GALNTL6: variants seen among roughly 807,000 people sequenced by gnomAD.
The protein encoded by GALNTL6 is polypeptide N-acetylgalactosaminyltransferase-like 6.
GALNTL6 carries 46 observed loss-of-function variants against 73.7 expected under a neutral mutation model. The observed-to-expected ratio is 0.62, with a 90% CI of 0.49 to 0.80. The LOEUF is 0.80. Ranked by LOEUF, GALNTL6 falls within the 30% of genes least tolerant of loss-of-function variation. The probability of loss-of-function intolerance (pLI) is 0.00; values close to 1 mark genes in which losing one functional copy is unlikely to be tolerated. For missense variants in GALNTL6, 604 were observed against 755.0 expected (o/e 0.80, Z 2.34); for synonymous variants, 259 against 263.7 (o/e 0.98, Z 0.17).
chr4:172,469,743 G>A lies in GALNTL6; in HGVS notation c.553+121054G>A, dbSNP rs73869528. 5.2e-3 allele frequency among the ~76,000 whole-genome samples: 793 copies of A among 152,276 alleles called. 10 individuals are homozygous for A. Among genetic ancestry groups the A allele is most frequent in the African/African-American group, 0.018 (759 of 41,562 alleles). On this transcript the variant is annotated intron_variant, in intron 5 of 12. Transcript: ENST00000506823. The stretch of plus-strand genomic sequence containing the variant: ...TTAAAGGACACACTGAATATTATTG[G>A]TGGATCTATAATGTTTGCTTAAATT...
chr4:172,184,057 T>C (rs1373452069), intron 2 of GALNTL6, among the ~76,000 whole-genome samples: 1 of 152,036 alleles, frequency 6.6e-6, no homozygotes, highest in Non-Finnish European at 1.5e-5. Context: ...TCCCAAAGTG[T>C]GGGATTACAG....
chr4:172,238,429 CTAA>C, intron 3 of GALNTL6, among the ~76,000 whole-genome samples: 1 of 152,224 alleles, frequency 6.6e-6, no homozygotes, highest in Non-Finnish European at 1.5e-5. Flanking sequence ...AGAAATGCTA[CTAA>C]TGTTTCTACA....
intron 2 of GALNTL6, among the ~76,000 whole-genome samples, chr4:171,884,885 A>C (rs978207742): frequency 2.0e-5 from 3 of 151,846 alleles, no homozygotes; most frequent in African/African-American, 7.3e-5. Context: ...GTGAAACTCT[A>C]TCTCTACTAA....
chr4:172,478,694 A>G (rs1361577987), intron 5 of GALNTL6, among the ~76,000 whole-genome samples: 1 of 152,358 alleles, frequency 6.6e-6, no homozygotes, highest in African/African-American at 2.4e-5. Context: ...CAGCAAAATA[A>G]ATAATCAACA....
intron 10 of GALNTL6, among the ~76,000 whole-genome samples, chr4:172,991,490 C>T (rs1751542852): frequency 6.6e-6 from 1 of 151,970 alleles, no homozygotes; most frequent in Non-Finnish European, 1.5e-5. Flanking sequence ...TTCTCTGCCT[C>T]CCAGGTTCAA....
At chr4:172,657,351 G>C (rs914863071) in intron 5 of GALNTL6, among the ~76,000 whole-genome samples, 1 of 152,168 alleles carries the variant, frequency 6.6e-6, no homozygotes, top group African/African-American at 2.4e-5. Flanking sequence ...CCGCAGAACA[G>C]CAGTTACGCA....
Position 172,390,927 on chromosome 4 carries a change from T to G in GALNTL6, c.553+42238T>G, listed in dbSNP as rs1189556231. ...TTCCTAAACAAGTCATACAGTGAGT[T>G]AAGGCACTCTTATGAAAAAAAATAG... On this transcript the variant is annotated intron_variant, in intron 5 of 12. Transcript: ENST00000506823. Among the ~76,000 whole-genome samples, 4 of 152,276 alleles carry G rather than the reference T, an allele frequency of 2.6e-5. No individual in the cohort carries two copies. The East Asian group carries it at 7.7e-4, about 29-fold the overall frequency.
chr4:172,764,472 A>G (rs1283272345), intron 5 of GALNTL6, among the ~76,000 whole-genome samples: 3 of 151,964 alleles, frequency 2.0e-5, no homozygotes, highest in Non-Finnish European at 4.4e-5. Flanking sequence ...TTGTACAGTT[A>G]TTTTTATAAT....
At chr4:172,597,845 GA>G (rs1236667482) in intron 5 of GALNTL6, among the ~76,000 whole-genome samples, 1 of 151,832 alleles carries the variant, frequency 6.6e-6, no homozygotes, top group African/African-American at 2.4e-5. Context: ...ATTGTTCTAA[GA>G]GTCCTTCCTC....
intron 2 of GALNTL6, among the ~76,000 whole-genome samples, chr4:171,848,334 G>A (rs1735429385): frequency 6.6e-6 from 1 of 152,164 alleles, no homozygotes; most frequent in South Asian, 2.1e-4. Flanking sequence ...ATAGGGCACA[G>A]TCAGAGTAGA....
intron 2 of GALNTL6, among the ~76,000 whole-genome samples, chr4:172,141,859 G>C (rs1260427454): frequency 6.8e-6 from 1 of 147,880 alleles, no homozygotes; most frequent in Non-Finnish European, 1.5e-5. Context: ...TGACTGATAG[G>C]ACTAATGACA....
intron 5 of GALNTL6, among the ~76,000 whole-genome samples, chr4:172,572,452 G>A (rs1736796496): frequency 6.6e-6 from 1 of 152,080 alleles, no homozygotes; most frequent in African/African-American, 2.4e-5. Flanking sequence ...ACAACAAGTA[G>A]GTTAATATAT....
chr4:172,033,319 T>C (rs1741825678), intron 2 of GALNTL6, among the ~76,000 whole-genome samples: 1 of 152,054 alleles, frequency 6.6e-6, no homozygotes, highest in Non-Finnish European at 1.5e-5. Flanking sequence ...TCTATAAATA[T>C]AAATATCGTA....
chr4:172,213,265 T>C (rs1736391710), intron 2 of GALNTL6, among the ~76,000 whole-genome samples: 1 of 152,202 alleles, frequency 6.6e-6, no homozygotes. Context: ...CTGAGTTTTT[T>C]TGTGGACATA....
At chr4:172,739,262 T>A (rs1208607116) in intron 5 of GALNTL6, among the ~76,000 whole-genome samples, 1 of 152,212 alleles carries the variant, frequency 6.6e-6, no homozygotes, top group Non-Finnish European at 1.5e-5. Flanking sequence ...GGATGACTAT[T>A]TTTCTTTGCC....
At chr4:171,898,199 T>C (rs988413997) in intron 2 of GALNTL6, among the ~76,000 whole-genome samples, 1 of 151,992 alleles carries the variant, frequency 6.6e-6, no homozygotes, top group Non-Finnish European at 1.5e-5. Flanking sequence ...TTATTAAAAA[T>C]AAAAAGACTT....
chr4:172,330,547 C>T (rs974919293), intron 4 of GALNTL6, among the ~76,000 whole-genome samples: 11 of 152,210 alleles, frequency 7.2e-5, no homozygotes, highest in African/African-American at 2.2e-4. Flanking sequence ...CTTGTGCCCT[C>T]TTTTTCTCTC....
At chr4:172,700,925 A>T (rs1484964211) in intron 5 of GALNTL6, among the ~76,000 whole-genome samples, 2 of 152,050 alleles carry the variant, frequency 1.3e-5, no homozygotes, top group Non-Finnish European at 2.9e-5. Flanking sequence ...CAGTCTGTTA[A>T]CCCCGTTTAT....
At chr4:172,041,170 A>G (rs80042684) in intron 2 of GALNTL6, among the ~76,000 whole-genome samples, 15,161 of 152,032 alleles carry the variant, frequency 0.1, 919 homozygotes, top group Non-Finnish European at 0.14. Context: ...AACATTTTCT[A>G]TTTGGTTTAT....
Sources: gnomAD v4.1 joint callset for allele counts (sites outside exome capture counted in the v4.1 genomes callset) on GRCh38, gnomAD v4.1.1 for gene constraint, MANE v1.5 for transcripts, NCBI Gene and HGNC (gene_info 2026-07-23, HGNC 2026-07-21) for gene names.